Variants in SLC35F3 observed in about 807,000 individuals in gnomAD.
SLC35F3 encodes solute carrier family 35 member F3.
A neutral mutation model predicts 49.9 loss-of-function variants in SLC35F3; 25 were observed. The observed-to-expected ratio is 0.50, with a 90% CI of 0.37 to 0.70. The LOEUF (loss-of-function observed/expected upper bound fraction) is 0.70. SLC35F3 is among the 30% of genes least tolerant of loss of function. The pLI is 0.00. For synonymous variants in SLC35F3, 275 were observed against 265.4 expected (o/e 1.04, Z -0.35); for missense variants, 525 against 639.8 (o/e 0.82, Z 1.94).
intron 3 of SLC35F3, among the ~76,000 whole-genome samples, chr1:234,286,977 T>C (rs1668431324): frequency 6.6e-6 from 1 of 152,164 alleles, no homozygotes; most frequent in Non-Finnish European, 1.5e-5. Flanking sequence ...TGAGATCAGC[T>C]TGGGCAACAT....
At chr1:234,292,514 G>T (rs756816219) in intron 3 of SLC35F3, among the ~76,000 whole-genome samples, 3 of 152,202 alleles carry the variant, frequency 2.0e-5, no homozygotes, top group Non-Finnish European at 4.4e-5. Context: ...TCTGGCTCCA[G>T]AACTGTTACC....
chr1:234,024,851 A>C (rs1424745122), intron 2 of SLC35F3, among the ~76,000 whole-genome samples: 1 of 152,162 alleles, frequency 6.6e-6, no homozygotes, highest in South Asian at 2.1e-4. Flanking sequence ...TTGGGGTTAC[A>C]TGTGCAGGTT....
intron 2 of SLC35F3, among the ~76,000 whole-genome samples, chr1:234,100,442 G>C (rs1391990701): frequency 6.6e-6 from 1 of 152,262 alleles, no homozygotes; most frequent in Non-Finnish European, 1.5e-5. Flanking sequence ...TCGCTAAAAA[G>C]GCAGAGAGGT....
intron 2 of SLC35F3, among the ~76,000 whole-genome samples, chr1:234,194,885 G>T (rs577997893): frequency 6.6e-6 from 1 of 152,294 alleles, no homozygotes; most frequent in East Asian, 1.9e-4. Context: ...ACTGCACCCA[G>T]TTATGCTGAG....
At chr1:234,004,901 A>G (rs1364075514) in intron 2 of SLC35F3, among the ~76,000 whole-genome samples, 1 of 152,084 alleles carries the variant, frequency 6.6e-6, no homozygotes. Flanking sequence ...CAAATTTGCA[A>G]CTCAGTCAAT....
At chr1:234,228,170 C>T (rs945077293) in intron 2 of SLC35F3, among the ~76,000 whole-genome samples, 9 of 152,172 alleles carry the variant, frequency 5.9e-5, no homozygotes, top group African/African-American at 1.4e-4. Context: ...TGCAGAGTGA[C>T]GAGATGGCAG....
At chr1:234,199,240 A>G (rs1447192349) in intron 2 of SLC35F3, among the ~76,000 whole-genome samples, 1 of 151,922 alleles carries the variant, frequency 6.6e-6, no homozygotes, top group Non-Finnish European at 1.5e-5. Context: ...AAAAAAGAAA[A>G]CGAAAAGAAA....
chr1:234,304,526 T>G (rs761432216), intron 3 of SLC35F3, among the ~76,000 whole-genome samples: 10 of 152,186 alleles, frequency 6.6e-5, no homozygotes, highest in Admixed American at 2.0e-4. Flanking sequence ...ATATCTTCTC[T>G]TATCTCTGCA....
chr1:234,011,247 A>G (rs1338548627), intron 2 of SLC35F3, among the ~76,000 whole-genome samples: 1 of 152,230 alleles, frequency 6.6e-6, no homozygotes, highest in Non-Finnish European at 1.5e-5. Flanking sequence ...AAATCAAAGA[A>G]TAATTGTTTA....
Position 234,231,771 on chromosome 1 carries a change from TG to T in SLC35F3, c.608+31del. On this transcript the variant is annotated intron_variant, in intron 3 of 7. Coordinates refer to ENST00000366618, the MANE Select transcript of SLC35F3 (RefSeq NM_173508.4). The surrounding 1 kb of genome is among the most constrained non-coding windows in gnomAD (Gnocchi z 5.4). ...GCGCGTCCTGCATGAGGAGGCCTCC[TG>T]ACCCCGGGCTGCTCCATCCAGCGCT... 1 of 1,568,138 alleles carries T rather than the reference TG, an allele frequency of 6.4e-7. No individual in the cohort carries two copies. Among genetic ancestry groups the T allele is most frequent in the Non-Finnish European group, 8.7e-7 (1 of 1,152,306 alleles).
At chr1:234,123,046 T>A (rs1665598798) in intron 2 of SLC35F3, among the ~76,000 whole-genome samples, 1 of 152,238 alleles carries the variant, frequency 6.6e-6, no homozygotes, top group Non-Finnish European at 1.5e-5. Flanking sequence ...ATTGCCACAC[T>A]CTCTTCCACA....
chr1:234,253,250 C>T (rs188745747), intron 3 of SLC35F3, among the ~76,000 whole-genome samples: 444 of 152,012 alleles, frequency 2.9e-3, no homozygotes, highest in Non-Finnish European at 5.0e-3. Context: ...CACTTGAACC[C>T]GGGAGGCAGA....
intron 2 of SLC35F3, among the ~76,000 whole-genome samples, chr1:234,117,819 G>T (rs1665511846): frequency 1.3e-5 from 2 of 151,170 alleles, no homozygotes; most frequent in South Asian, 4.3e-4. Context: ...CCGGCAGGCG[G>T]AGCTTGCAGT....
chr1:234,103,813 C>T (rs1470086177), intron 2 of SLC35F3, among the ~76,000 whole-genome samples: 1 of 152,202 alleles, frequency 6.6e-6, no homozygotes, highest in Admixed American at 6.5e-5. Context: ...TTCAGCTTGG[C>T]CATAGACCTG....
At chr1:234,182,778 C>T (rs1666582874) in intron 2 of SLC35F3, among the ~76,000 whole-genome samples, 1 of 152,106 alleles carries the variant, frequency 6.6e-6, no homozygotes, top group South Asian at 2.1e-4. Context: ...AATGAGAAAT[C>T]ATATTAGTGC....
intron 2 of SLC35F3, among the ~76,000 whole-genome samples, chr1:234,103,683 C>T (rs1665244430): frequency 6.6e-6 from 1 of 152,232 alleles, no homozygotes; most frequent in African/African-American, 2.4e-5. Context: ...TCTGCTTGCC[C>T]TACACAATAG....
At chr1:234,294,707 C>T (rs1285930270) in intron 3 of SLC35F3, among the ~76,000 whole-genome samples, 4 of 152,196 alleles carry the variant, frequency 2.6e-5, no homozygotes, top group South Asian at 4.1e-4. Flanking sequence ...CAAATATTTC[C>T]TGACTGCCAC....
At chr1:234,285,254 G>A in intron 3 of SLC35F3, 1 of 439,342 alleles carries the variant, frequency 2.3e-6, no homozygotes, top group South Asian at 1.6e-5. Flanking sequence ...AGATGAGGCT[G>A]CTCACTTCCC....
intron 2 of SLC35F3, among the ~76,000 whole-genome samples, chr1:234,216,721 G>T (rs1667128215): frequency 6.6e-6 from 1 of 152,220 alleles, no homozygotes; most frequent in Non-Finnish European, 1.5e-5. Context: ...TTTCCAGTTG[G>T]ATTTGTGTAA....
Sources: gnomAD v4.1 joint callset for allele counts (sites outside exome capture counted in the v4.1 genomes callset) on GRCh38, gnomAD v4.1.1 for gene constraint, Gnocchi (gnomAD v3.1) non-coding constraint, MANE v1.5 for transcripts, NCBI Gene and HGNC (gene_info 2026-07-23, HGNC 2026-07-21) for gene names.